CGAS: variants seen among roughly 807,000 people sequenced by gnomAD.
The protein encoded by CGAS is 2'3'-cGAMP synthase.
Under a neutral mutation model 34.0 loss-of-function variants are expected in CGAS, and 31 were observed. The ratio of observed to expected loss-of-function variants is 0.91; its 90% CI spans 0.69 to 1.23. The LOEUF is 1.23. CGAS is among the 50% of genes most tolerant of loss of function. The pLI, the probability that CGAS is intolerant of heterozygous loss-of-function variation, is 0.00. For missense variants in CGAS, 597 were observed against 657.6 expected, an observed-to-expected ratio of 0.91 and a Z score of 1.01; for synonymous variants, 266 against 260.0, an observed-to-expected ratio of 1.02 and a Z score of -0.22.
chr6:73,430,880 T>C (rs1292123110), intron 3 of CGAS, among the ~76,000 whole-genome samples: 9 of 151,144 alleles, frequency 6.0e-5, no homozygotes, highest in Admixed American at 5.9e-4. Flanking sequence ...GGTGAGCAGA[T>C]CACCTGAGAT....
intron 1 of CGAS, among the ~76,000 whole-genome samples, chr6:73,448,087 A>G (rs1770497816): frequency 6.6e-6 from 1 of 152,102 alleles, no homozygotes; most frequent in African/African-American, 2.4e-5. Flanking sequence ...TTACCAGTTA[A>G]TATACCATTA....
intron 4 of CGAS, among the ~76,000 whole-genome samples, chr6:73,427,659 T>A (rs1280529126): frequency 6.6e-6 from 1 of 152,010 alleles, no homozygotes; most frequent in African/African-American, 2.4e-5. Context: ...TAGTTCTTTA[T>A]GGTGTGTATG....
chr6:73,434,429 A>G (rs1770246422), intron 3 of CGAS, among the ~76,000 whole-genome samples: 1 of 152,144 alleles, frequency 6.6e-6, no homozygotes, highest in African/African-American at 2.4e-5. Context: ...CCCCAAACCA[A>G]TAACTCTGAT....
intron 3 of CGAS, among the ~76,000 whole-genome samples, chr6:73,433,192 G>T (rs543367901): frequency 6.6e-6 from 1 of 151,616 alleles, no homozygotes; most frequent in African/African-American, 2.4e-5. Context: ...ATGAAGCTGG[G>T]AAGTATTAGA....
chr6:73,429,587 G>A (rs1385168857), intron 3 of CGAS, among the ~76,000 whole-genome samples: 3 of 152,138 alleles, frequency 2.0e-5, no homozygotes, highest in Non-Finnish European at 2.9e-5. Context: ...AGCACCTTGG[G>A]AGGCCAAGGT....
At chr6:73,436,790 T>TG (rs113650819) in intron 3 of CGAS, among the ~76,000 whole-genome samples, 8,866 of 151,944 alleles carry the variant, frequency 0.058, 536 homozygotes, top group African/African-American at 0.15. Flanking sequence ...CCCAAAGTAC[T>TG]GGATTATAGG....
intron 3 of CGAS, among the ~76,000 whole-genome samples, chr6:73,430,395 C>CCGAG (rs1300338051): frequency 6.6e-6 from 1 of 152,118 alleles, no homozygotes; most frequent in African/African-American, 2.4e-5. Flanking sequence ...CTTCAGGAGG[C>CCGAG]CGAGACAGGA....
chr6:73,442,587 T>G (rs529167900), intron 2 of CGAS, among the ~76,000 whole-genome samples: 1 of 150,390 alleles, frequency 6.6e-6, no homozygotes, highest in East Asian at 1.9e-4. Context: ...TGTTTTTTTC[T>G]TTTTTCTTTC....
intron 4 of CGAS, among the ~76,000 whole-genome samples, chr6:73,427,069 C>T (rs1045216349): frequency 1.3e-5 from 2 of 151,546 alleles, no homozygotes; most frequent in African/African-American, 2.4e-5. Flanking sequence ...AGGCTGGTCT[C>T]GAACTCCTGA....
At chr6:73,426,369 AAT>A (rs1252620040) in intron 4 of CGAS, among the ~76,000 whole-genome samples, 1 of 151,736 alleles carries the variant, frequency 6.6e-6, no homozygotes, top group Non-Finnish European at 1.5e-5. Context: ...AATAAAATAA[AAT>A]AAATACAACA....
At chr6:73,449,201 G>A (rs1770520250) in intron 1 of CGAS, among the ~76,000 whole-genome samples, 1 of 152,156 alleles carries the variant, frequency 6.6e-6, no homozygotes, top group Admixed American at 6.5e-5. Flanking sequence ...TCTGGGCTGG[G>A]CATGGTGGCT....
At chr6:73,433,407 C>T (rs1770224718) in intron 3 of CGAS, among the ~76,000 whole-genome samples, 1 of 151,682 alleles carries the variant, frequency 6.6e-6, no homozygotes, top group African/African-American at 2.4e-5. Context: ...AAGTGCACAC[C>T]ACCACGCCTG....
At chr6:73,435,514 G>A (rs1770267141) in intron 3 of CGAS, among the ~76,000 whole-genome samples, 1 of 151,918 alleles carries the variant, frequency 6.6e-6, no homozygotes, top group African/African-American at 2.4e-5. Context: ...AAAAGGAATG[G>A]GTGTTTTCTC....
chr6:73,438,093 T>C lies in CGAS; in HGVS notation c.1114+2116A>G, dbSNP rs184995470. 3.8e-3 allele frequency among the ~76,000 whole-genome samples: 585 copies of C among 152,066 alleles called. 2 individuals carry two copies. The highest frequency in any genetic ancestry group is 8.0e-3 in the Admixed American group (122 of 15,276). The stretch of plus-strand genomic sequence containing the variant: ...CAAAAAATAAACAAATAAAAATAAA[T>C]AAAAACAAAAACATAATATTTTTAA... On this transcript the variant is annotated intron_variant, in intron 3 of 4. Transcript: ENST00000370315.
chr6:73,426,609 C>T (rs1192582806), intron 4 of CGAS, among the ~76,000 whole-genome samples: 2 of 151,032 alleles, frequency 1.3e-5, no homozygotes, highest in South Asian at 2.1e-4. Context: ...ACCTCTGACC[C>T]TCCCCTCACC....
At chr6:73,446,443 G>GTCCTTTC (rs150554010) in intron 1 of CGAS, among the ~76,000 whole-genome samples, 42,313 of 55,606 alleles carry the variant, frequency 0.76, 16,592 homozygotes, top group East Asian at 0.93. Flanking sequence ...AAAAAAAATC[G>GTCCTTTC]GGCCGGGCGC....
At chr6:73,443,940 C>A (rs1770425855) in intron 2 of CGAS, among the ~76,000 whole-genome samples, 1 of 152,192 alleles carries the variant, frequency 6.6e-6, no homozygotes, top group South Asian at 2.1e-4. Flanking sequence ...GCTGAAGAGG[C>A]AGCCAGGGAC....
rs1255208821 is a variant in CGAS, at chr6:73,452,153, T to A, written c.29A>T (p.Gln10Leu). Residue 10 changes from glutamine (Q) to leucine (L), a missense_variant, in exon 1 of 5, where the codon CAG becomes CTG. By Grantham distance (113) the Gln-to-Leu change is moderately radical. Coordinates refer to ENST00000370315, the MANE Select transcript of CGAS (RefSeq NM_138441.3). MQPWHGKAMQRASEAGATAP... is the reference protein window; with the variant it reads MQPWHGKAMLRASEAGATAP... Reference sequence around the variant, plus strand: ...AGTGGCTCCGGCCTCGGAAGCTCTCTGCATGGCCTTTCCGTGCCAAGGCTG... The same window carrying A: ...AGTGGCTCCGGCCTCGGAAGCTCTCAGCATGGCCTTTCCGTGCCAAGGCTG... 1 of 1,608,202 alleles carries A rather than the reference T, an allele frequency of 6.2e-7. No homozygotes were observed. Among genetic ancestry groups the A allele is most frequent in the East Asian group, 2.2e-5 (1 of 44,646 alleles).
In CGAS at chr6:73,440,369, C is replaced by T. The variant is rs1315695007; in HGVS notation, c.954G>A (p.Val318=). Residue 318 remains valine, a synonymous_variant, in exon 3 of 5, where the codon GTG becomes GTA. Coordinates refer to ENST00000370315, the MANE Select transcript of CGAS (RefSeq NM_138441.3). ...TTGATTCCAAAGCCAGGGTTATATC[C>T]ACAGATATTTTTTCACTAATAAGAA... ...VTLLISEKIS[V]DITLALESKS... The T allele has an allele frequency of 6.2e-7, 1 of 1,614,006 alleles. No homozygotes were observed. The highest frequency in any genetic ancestry group is 8.5e-7 in the Non-Finnish European group (1 of 1,180,044).
Sources: gnomAD v4.1 joint callset for allele counts (sites outside exome capture counted in the v4.1 genomes callset) on GRCh38, gnomAD v4.1.1 for gene constraint, MANE v1.5 for transcripts, NCBI Gene and HGNC (gene_info 2026-07-23, HGNC 2026-07-21) for gene names.